Variants in KRT23 observed in about 807,000 individuals in gnomAD.
KRT23 encodes the protein keratin, type I cytoskeletal 23.
Under a neutral mutation model 47.6 loss-of-function variants are expected in KRT23, and 38 were observed. The ratio of observed to expected loss-of-function variants is 0.80; its 90% confidence interval spans 0.62 to 1.05. The LOEUF (loss-of-function observed/expected upper bound fraction) is 1.05. Among genes scored for constraint, KRT23 ranks in the 50% least tolerant of loss-of-function variants. The pLI, the probability that KRT23 is intolerant of heterozygous loss-of-function variation, is 0.00. For synonymous variants in KRT23, 191 were observed against 199.0 expected (o/e 0.96, Z 0.34); for missense variants, 503 against 529.5 (o/e 0.95, Z 0.49).
Position 40,936,546 on chromosome 17 carries a change from C to T in KRT23, c.58G>A (p.Gly20Ser), listed in dbSNP as rs748489262. ...TPSASFHGAG[G>S]GWGRPRSFPR... ...AAGCTCCTGGGCCGGCCCCAGCCAC[C>T]TCCGGCGCCATGGAAGGAGGCCGAG... Residue 20 changes from glycine to serine, a missense_variant, in exon 2 of 9, where the codon GGT (glycine) becomes AGT (serine). Gly to Ser is a moderately conservative substitution (Grantham distance 56). Transcript: ENST00000209718. 2.0e-6 allele frequency: 3 copies of T among 1,521,244 alleles called. No individual in the cohort carries two copies. In the African/African-American group the frequency reaches 4.2e-5, roughly 21 times the overall value. 94.2% of individuals were successfully genotyped at this position (1,521,244 alleles called of 1,614,324 possible).
rs574631428 is a variant in KRT23, at chr17:40,925,465, C to T, written c.1031G>A (p.Arg344His). 7.7e-5 allele frequency: 125 copies of T among 1,614,026 alleles called. No individual in the cohort carries two copies. Among genetic ancestry groups the T allele is most frequent in the Non-Finnish European group, 9.7e-5 (114 of 1,180,026 alleles). Reference sequence around the variant, plus strand: ...ATTGTTCTGCCGCTCCAGTTCATGGCGTAGCTGCGTCAGTTCCTCCTCATA... The same window carrying T: ...ATTGTTCTGCCGCTCCAGTTCATGGTGTAGCTGCGTCAGTTCCTCCTCATA... Reference protein sequence around the residue: ...SHYEEELTQLRHELERQNNEY... With the variant: ...SHYEEELTQLHHELERQNNEY... Residue 344 changes from arginine (R) to histidine (H), a missense_variant, in exon 7 of 9, where the codon CGC (arginine) becomes CAC (histidine). Physicochemically the swap from Arg to His is conservative, Grantham distance 29. Coordinates refer to ENST00000209718, the MANE Select transcript of KRT23 (RefSeq NM_015515.5).
rs530633177 is a variant in KRT23 at position 40,929,189 on chromosome 17, AG to A, written c.637-583del. ...ATGTGGATTGGTGAAGTGACAACATAGTTAAGCAGCTGAACCTTACAGGCTA... is the reference window on the plus strand; with the variant it reads ...ATGTGGATTGGTGAAGTGACAACATATTAAGCAGCTGAACCTTACAGGCTA... On this transcript the variant is annotated intron_variant, in intron 4 of 8. Transcript: ENST00000209718. 4.5e-3 allele frequency among the ~76,000 whole-genome samples: 685 copies of A among 151,418 alleles called. 19 individuals carry two copies. The highest frequency in any genetic ancestry group is 5.0e-4 in the Non-Finnish European group (34 of 67,996).
At chr17:40,931,512 G>T in intron 2 of KRT23, 57 bp from the exon 3 acceptor site, 2 of 1,240,258 alleles carry the variant, frequency 1.6e-6, no homozygotes, top group South Asian at 2.4e-5. Flanking sequence ...ACCCACACAT[G>T]ACCGCTGCAT....
Position 40,936,838 on chromosome 17 carries a change from C to G in KRT23, c.-235G>C. The G allele has an allele frequency of 2.5e-6, 1 of 402,920 alleles. No homozygotes were observed. The highest frequency in any genetic ancestry group is 4.4e-6 in the Non-Finnish European group (1 of 229,296). The allele number at this position is 402,920 out of a possible 1,614,324, so 25.0% of individuals were successfully genotyped here. ...GTTGTTTAGAGCCACATCAATATGA[C>G]AGTTTGCTTCCTCCCTTCCCCTGGT... On this transcript the variant is annotated 5_prime_UTR_variant, in exon 2 of 9. Transcript: ENST00000209718.
chr17:40,931,489 C>T (rs777124423), intron 2 of KRT23, 34 bp from the exon 3 acceptor site: 21 of 1,498,522 alleles, frequency 1.4e-5, no homozygotes, highest in Non-Finnish European at 8.4e-6. Flanking sequence ...AAAAGGTTAT[C>T]TCACTTGGAC....
At position 40,930,048 on chromosome 17, in the gene KRT23, C is replaced by G. The variant is rs1909542003; in HGVS notation, c.528G>C (p.Glu176Asp). The G allele has an allele frequency of 2.5e-6, 4 of 1,613,972 alleles. No homozygotes were observed. The highest frequency in any genetic ancestry group is 3.4e-6 in the Non-Finnish European group (4 of 1,179,988). Reference protein sequence around the residue: ...SFKKDLEIEVEGLRRTLDNLT... With the variant: ...SFKKDLEIEVDGLRRTLDNLT... ...GGTTGTCTAAGGTCCTTCGGAGGCC[C>G]TCGACTTCAATTTCCAAGTCTTTCT... Residue 176 changes from glutamate to aspartate, a missense_variant, in exon 4 of 9, where the codon GAG becomes GAC. Transcript: ENST00000209718.
At chr17:40,928,145 A>AGGGAG (rs1909347419) in intron 6 of KRT23, 93 bp downstream of exon 6, 3 of 1,496,096 alleles carry the variant, frequency 2.0e-6, no homozygotes, top group Non-Finnish European at 9.2e-7. Flanking sequence ...AGTTGTCCCA[A>AGGGAG]GGGAGTTGAG....
intron 6 of KRT23, among the ~76,000 whole-genome samples, chr17:40,927,238 A>G (rs1909282358): frequency 6.6e-6 from 1 of 152,304 alleles, no homozygotes; most frequent in South Asian, 2.1e-4. Flanking sequence ...CTCCTACTAG[A>G]ATATAAACTC....
At chr17:40,929,850 G>A (rs1227914338) in intron 4 of KRT23, 90 bp downstream of exon 4, 6 of 1,110,870 alleles carry the variant, frequency 5.4e-6, no homozygotes, top group Non-Finnish European at 7.7e-6. Context: ...TTGGCATCCA[G>A]GTGGTGGTTT....
chr17:40,935,812 G>A (rs747193194), intron 2 of KRT23, among the ~76,000 whole-genome samples: 36 of 152,198 alleles, frequency 2.4e-4, no homozygotes, highest in Admixed American at 9.8e-4. Context: ...CTGGTGCACT[G>A]AGCATGCAGC....
chr17:40,935,163 TAC>T (rs1255071366), intron 2 of KRT23, among the ~76,000 whole-genome samples: 2 of 151,750 alleles, frequency 1.3e-5, no homozygotes, highest in Non-Finnish European at 2.9e-5. Context: ...TTAAGGTAAT[TAC>T]AGTCAGTTAT....
intron 2 of KRT23, among the ~76,000 whole-genome samples, chr17:40,934,859 A>G (rs185208925): frequency 6.6e-6 from 1 of 152,244 alleles, no homozygotes; most frequent in Non-Finnish European, 1.5e-5. Flanking sequence ...TGACATGTGT[A>G]TTAAATATCC....
intron 8 of KRT23, among the ~76,000 whole-genome samples, 175 bp downstream of exon 8, chr17:40,924,297 T>C (rs369231261): frequency 6.6e-6 from 1 of 152,182 alleles, no homozygotes; most frequent in Admixed American, 6.5e-5. Flanking sequence ...TTGAGGACAA[T>C]AATGAGAGCT....
chr17:40,931,926 C>T (rs935671124), intron 2 of KRT23, among the ~76,000 whole-genome samples: 1 of 152,164 alleles, frequency 6.6e-6, no homozygotes, highest in Non-Finnish European at 1.5e-5. Flanking sequence ...TTTGCCATTA[C>T]TTTTAATTAG....
At chr17:40,928,966 G>T (rs2143466514) in intron 4 of KRT23, among the ~76,000 whole-genome samples, 1 of 142,436 alleles carries the variant, frequency 7.0e-6, no homozygotes, top group African/African-American at 2.7e-5. Flanking sequence ...GGTGGAGGCT[G>T]CAGTGAGCCG....
At chr17:40,930,776 T>C (rs71355484) in intron 3 of KRT23, among the ~76,000 whole-genome samples, 2,437 of 27,780 alleles carry the variant, frequency 0.088, 71 homozygotes, top group African/African-American at 0.33. Context: ...AATAAACAAA[T>C]AAATAAATAA....
chr17:40,930,879 C>T (rs1014162562), intron 3 of KRT23, among the ~76,000 whole-genome samples: 2 of 152,068 alleles, frequency 1.3e-5, no homozygotes, highest in Admixed American at 6.5e-5. Context: ...ATTCAAACTT[C>T]CCCATACTAT....
At chr17:40,931,476 C>T (rs1909679563) in intron 2 of KRT23, 21 bp from the exon 3 acceptor site, 2 of 1,584,894 alleles carry the variant, frequency 1.3e-6, no homozygotes, top group Admixed American at 1.7e-5. Context: ...TGCACAAAAG[C>T]ACAAAAGGTT....
At position 40,928,372 on chromosome 17, in the gene KRT23, A is replaced by T. The variant is rs1030234945; in HGVS notation, c.799-12T>A. On this transcript the variant is annotated splice_polypyrimidine_tract_variant and intron_variant, in intron 5 of 8. Transcript: ENST00000209718. ...GACATGGCTGCAGACTGTGGGACCAAGCAAGGCAAAGGCGTCAGCATTGGG... is the reference window on the plus strand; with the variant it reads ...GACATGGCTGCAGACTGTGGGACCATGCAAGGCAAAGGCGTCAGCATTGGG... The T allele has an allele frequency of 1.2e-6, 2 of 1,614,232 alleles. No homozygotes were observed. Among genetic ancestry groups the T allele is most frequent in the Admixed American group, 3.3e-5 (2 of 60,020 alleles).
Sources: gnomAD v4.1 joint callset for allele counts (sites outside exome capture counted in the v4.1 genomes callset) on GRCh38, gnomAD v4.1.1 for gene constraint, MANE v1.5 for transcripts, NCBI Gene and HGNC (gene_info 2026-07-23, HGNC 2026-07-21) for gene names.